The following MDGA2 variants were observed in gnomAD, a reference collection of about 807,000 sequenced individuals.
MDGA2 encodes MAM domain containing glycosylphosphatidylinositol anchor 2, also known as MAM domain-containing glycosylphosphatidylinositol anchor protein 2.
In MDGA2, 40 loss-of-function variants were observed where a neutral mutation model predicts 117.8. That is an observed-to-expected ratio of 0.34 (90% CI 0.26 to 0.44). MDGA2 has a LOEUF of 0.44. Among genes scored for constraint, MDGA2 ranks in the 20% least tolerant of loss-of-function variants. The probability of loss-of-function intolerance (pLI) is 1.00; values close to 1 mark genes in which losing one functional copy is unlikely to be tolerated. For synonymous variants in MDGA2, 452 were observed against 439.0 expected, an observed-to-expected ratio of 1.03 and a Z score of -0.37; for missense variants, 1,123 against 1,250.6, an observed-to-expected ratio of 0.90 and a Z score of 1.54.
At chr14:47,433,484 A>C (rs771405987) in intron 1 of MDGA2, among the ~76,000 whole-genome samples, 1 of 152,170 alleles carries the variant, frequency 6.6e-6, no homozygotes, top group Non-Finnish European at 1.5e-5. Context: ...TACCCTATAA[A>C]ATAATCGAGA....
intron 5 of MDGA2, among the ~76,000 whole-genome samples, chr14:47,106,639 G>A (rs375075909): frequency 9.2e-5 from 14 of 152,120 alleles, no homozygotes; most frequent in East Asian, 7.8e-4. Flanking sequence ...AGATCTTCTC[G>A]GCTTAGCAGC....
intron 2 of MDGA2, among the ~76,000 whole-genome samples, chr14:47,300,664 A>ATTT (rs1416346036): frequency 1.4e-5 from 2 of 141,172 alleles, no homozygotes; most frequent in African/African-American, 2.6e-5. Flanking sequence ...TAATTTTTTA[A>ATTT]TTTTTTTTTT....
chr14:47,522,262 ATGT>A (rs1215822918), intron 1 of MDGA2, among the ~76,000 whole-genome samples: 1 of 151,874 alleles, frequency 6.6e-6, no homozygotes, highest in Non-Finnish European at 1.5e-5. Flanking sequence ...AAACAACATA[ATGT>A]TGTGTTTTAA....
At chr14:47,392,496 T>C (rs1439346608) in intron 1 of MDGA2, among the ~76,000 whole-genome samples, 1 of 152,154 alleles carries the variant, frequency 6.6e-6, no homozygotes, top group Non-Finnish European at 1.5e-5. Context: ...AAGAAAAATC[T>C]ATGTTTATTC....
intron 5 of MDGA2, among the ~76,000 whole-genome samples, chr14:47,120,726 T>C (rs1881606331): frequency 6.6e-6 from 1 of 152,170 alleles, no homozygotes; most frequent in South Asian, 2.1e-4. Flanking sequence ...GATGCTAATA[T>C]ATCTCTGATA....
intron 1 of MDGA2, among the ~76,000 whole-genome samples, chr14:47,546,603 T>C (rs1282110458): frequency 6.6e-6 from 1 of 152,146 alleles, no homozygotes; most frequent in Non-Finnish European, 1.5e-5. Context: ...TGTAGAAGTT[T>C]TGCTTTGCCA....
At chr14:46,932,613 T>C (rs1046607405) in intron 9 of MDGA2, among the ~76,000 whole-genome samples, 2 of 152,140 alleles carry the variant, frequency 1.3e-5, no homozygotes. Context: ...AGGCCCACGA[T>C]GATGCCCTCC....
At chr14:47,370,059 CAT>C (rs1367813051) in intron 1 of MDGA2, among the ~76,000 whole-genome samples, 2 of 151,888 alleles carry the variant, frequency 1.3e-5, no homozygotes, top group African/African-American at 4.8e-5. Context: ...AGGCAAAAGA[CAT>C]ATTCTTTTTT....
chr14:47,382,433 G>C (rs1891657093), intron 1 of MDGA2, among the ~76,000 whole-genome samples: 1 of 152,166 alleles, frequency 6.6e-6, no homozygotes. Context: ...CAGAATGGGA[G>C]AGAATTTTTA....
At chr14:47,306,381 G>C (rs189838517) in intron 1 of MDGA2, among the ~76,000 whole-genome samples, 168 of 152,296 alleles carry the variant, frequency 1.1e-3, no homozygotes, top group African/African-American at 3.6e-3. Context: ...CAATTCATTG[G>C]GGGTGGAGGG....
chr14:47,359,659 G>GA (rs34334356), intron 1 of MDGA2, among the ~76,000 whole-genome samples: 28,220 of 147,866 alleles, frequency 0.19, 3,027 homozygotes, highest in East Asian at 0.45. Flanking sequence ...GCTGAGGCAG[G>GA]AGAATCACTT....
intron 5 of MDGA2, among the ~76,000 whole-genome samples, chr14:47,101,697 C>G (rs1159235517): frequency 3.3e-5 from 5 of 152,166 alleles, no homozygotes; most frequent in Admixed American, 3.3e-4. Context: ...ATATGCCTGT[C>G]AAAGGATTCA....
intron 1 of MDGA2, among the ~76,000 whole-genome samples, chr14:47,577,184 G>A (rs755603883): frequency 7.2e-5 from 11 of 152,236 alleles, no homozygotes; most frequent in Non-Finnish European, 1.3e-4. Flanking sequence ...ATGGGGAAAG[G>A]ATTCCCTATT....
chr14:47,567,390 C>T (rs953462300), intron 1 of MDGA2, among the ~76,000 whole-genome samples: 2 of 152,130 alleles, frequency 1.3e-5, no homozygotes, highest in Non-Finnish European at 1.5e-5. Flanking sequence ...ACTTATCATA[C>T]ATTATCCTAG....
chr14:47,326,909 G>A (rs1315540839), intron 1 of MDGA2, among the ~76,000 whole-genome samples: 4 of 152,008 alleles, frequency 2.6e-5, no homozygotes, highest in South Asian at 4.2e-4. Context: ...AAGCCCTGTC[G>A]GGAATCAGAT....
chr14:46,960,575 C>T (rs1055278867), intron 8 of MDGA2: 2 of 151,766 alleles, frequency 1.3e-5, no homozygotes, highest in East Asian at 1.9e-4. Flanking sequence ...GGCAATAATC[C>T]ATGATTAGTG....
intron 8 of MDGA2, among the ~76,000 whole-genome samples, chr14:46,979,299 T>C (rs1266801666): frequency 1.3e-5 from 2 of 152,122 alleles, no homozygotes; most frequent in East Asian, 1.9e-4. Flanking sequence ...CATATTCTCC[T>C]TCTCCTTAAG....
intron 1 of MDGA2, among the ~76,000 whole-genome samples, chr14:47,446,068 T>C (rs534891417): frequency 1.6e-4 from 24 of 152,276 alleles, no homozygotes; most frequent in African/African-American, 5.8e-4. Context: ...TTTCAAGAAA[T>C]TCTCACAAAC....
rs202003050 is a variant in MDGA2 at position 47,053,638 on chromosome 14, T to C, written c.1525+7611A>G. Among the ~76,000 whole-genome samples, 158 of 51,108 alleles carry C rather than the reference T, an allele frequency of 3.1e-3. 3 individuals are homozygous for C. Among genetic ancestry groups the C allele is most frequent in the Admixed American group, 5.2e-3 (25 of 4,836 alleles). 33.5% of individuals were successfully genotyped at this position (51,108 alleles called of 152,430 possible). ...ATATATATATATATATATATATATA[T>C]ATATATATATATATATACACACACA... On this transcript the variant is annotated intron_variant, in intron 7 of 16. Coordinates refer to ENST00000399232, the MANE Select transcript of MDGA2 (RefSeq NM_001113498.3).
Sources: allele counts gnomAD v4.1 joint callset (sites outside exome capture counted in the v4.1 genomes callset), GRCh38; gene constraint gnomAD v4.1.1; transcripts MANE v1.5; gene names NCBI Gene and HGNC (gene_info 2026-07-23, HGNC 2026-07-21).